The following CEP44 variants were observed in gnomAD, a reference collection of about 807,000 sequenced individuals.
CEP44 encodes centrosomal protein of 44 kDa.
CEP44 carries 45 observed loss-of-function variants against 46.7 expected under a neutral mutation model. The observed-to-expected ratio is 0.96, with a 90% CI of 0.76 to 1.24. The LOEUF (loss-of-function observed/expected upper bound fraction) is 1.24, where lower values mean the gene tolerates loss of function less well. Among genes scored for constraint, CEP44 ranks in the 50% most tolerant of loss-of-function variants. The pLI is 0.00. For synonymous variants in CEP44, 142 were observed against 146.0 expected (o/e 0.97, Z 0.20); for missense variants, 475 against 459.7 (o/e 1.03, Z -0.30).
rs1247215234 is a variant in CEP44, at chr4:174,325,723, AT to A, written c.1087-5753del. Among the ~76,000 whole-genome samples, 2 of 152,052 alleles carry A rather than the reference AT, an allele frequency of 1.3e-5. No homozygotes were observed. Among genetic ancestry groups the A allele is most frequent in the African/African-American group, 2.4e-5 (1 of 41,416 alleles). On this transcript the variant is annotated intron_variant, in intron 8 of 8. Transcript: ENST00000426172. The surrounding 1 kb of genome is among the most constrained non-coding windows in gnomAD (Gnocchi z 4.4). ...TGTAGATGAAGACTAAAAAACTTTTATTTTTTCTTTCAGTTCTATCATGTAT... is the reference window on the plus strand; with the variant it reads ...TGTAGATGAAGACTAAAAAACTTTTATTTTTCTTTCAGTTCTATCATGTAT...
intron 1 of CEP44, among the ~76,000 whole-genome samples, chr4:174,284,875 A>T (rs1461314053): frequency 1.3e-5 from 2 of 152,274 alleles, no homozygotes; most frequent in African/African-American, 4.8e-5. Flanking sequence ...TATGTCACAA[A>T]CTCTTAGCCA....
chr4:174,306,706 T>C (rs1239931791), intron 6 of CEP44, among the ~76,000 whole-genome samples: 1 of 152,016 alleles, frequency 6.6e-6, no homozygotes, highest in African/African-American at 2.4e-5. Flanking sequence ...TTAAAATAAT[T>C]GTAGGAGGAT....
intron 1 of CEP44, among the ~76,000 whole-genome samples, chr4:174,285,048 C>T (rs1032664280): frequency 6.6e-6 from 1 of 152,224 alleles, no homozygotes; most frequent in African/African-American, 2.4e-5. Context: ...TTCACAACCT[C>T]TCCCACAAGT....
chr4:174,321,921 A>G (rs539417335), downstream of CEP44, among the ~76,000 whole-genome samples: 23 of 152,266 alleles, frequency 1.5e-4, no homozygotes, highest in African/African-American at 5.1e-4. Context: ...AGAAACCACT[A>G]GGAGTTCTTA....
intron 8 of CEP44, among the ~76,000 whole-genome samples, chr4:174,327,155 G>A (rs1056860811): frequency 2.7e-5 from 4 of 145,876 alleles, no homozygotes; most frequent in African/African-American, 1.0e-4. Flanking sequence ...GTGTGTATAC[G>A]TGTGTGTGTG....
rs532164926 is a variant in CEP44 at position 174,319,191 on chromosome 4, G to A, written c.*1808G>A. ...GAAACATACAATTTTGAATTTAACA[G>A]AGTTTCAGTAAATATTTCCAGAATT... On this transcript the variant is annotated 3_prime_UTR_variant, in exon 12 of 12. Coordinates refer to ENST00000503780, the MANE Select transcript of CEP44 (RefSeq NM_001040157.3). 111 of 976,030 alleles carry A rather than the reference G, an allele frequency of 1.1e-4. 2 individuals carry two copies. The South Asian group carries it at 4.6e-3, about 41-fold the overall frequency. 60.5% of individuals were successfully genotyped at this position (976,030 alleles called of 1,614,324 possible).
At chr4:174,303,299 A>G (rs1739970354) in intron 4 of CEP44, among the ~76,000 whole-genome samples, 4 of 152,254 alleles carry the variant, frequency 2.6e-5, no homozygotes, top group Admixed American at 2.6e-4. Context: ...AATTGAGACC[A>G]AAAGGCCTAC....
chr4:174,322,725 A>G (rs1034006040), downstream of CEP44, among the ~76,000 whole-genome samples: 1 of 152,156 alleles, frequency 6.6e-6, no homozygotes, highest in Non-Finnish European at 1.5e-5. Flanking sequence ...CATCCCCCAT[A>G]TTATGATAGA....
chr4:174,328,155 C>G (rs1731092879), intron 8 of CEP44, among the ~76,000 whole-genome samples: 1 of 152,178 alleles, frequency 6.6e-6, no homozygotes, highest in Non-Finnish European at 1.5e-5. Flanking sequence ...GCTCATTAAT[C>G]TGATGACCAA....
Position 174,317,387 on chromosome 4 carries a change from T to C in CEP44, c.*4T>C, listed in dbSNP as rs757221262. ...ATGTCCAAATCACTACTTGTAGGAT[T>C]TTCTACATGAACTTTTTTCTAGGAC... On this transcript the variant is annotated 3_prime_UTR_variant, in exon 12 of 12. Transcript: ENST00000503780. 1 of 1,419,016 alleles carries C rather than the reference T, an allele frequency of 7.0e-7. No individual in the cohort carries two copies. The highest frequency in any genetic ancestry group is 9.4e-7 in the Non-Finnish European group (1 of 1,069,038). 87.9% of individuals were successfully genotyped at this position (1,419,016 alleles called of 1,614,324 possible). A position where few individuals can be genotyped will look rare whatever the true frequency, so the allele number is the denominator to read the frequency against.
At chr4:174,295,046 C>T (rs1738777755) in intron 1 of CEP44, among the ~76,000 whole-genome samples, 1 of 144,350 alleles carries the variant, frequency 6.9e-6, no homozygotes, top group Non-Finnish European at 1.5e-5. Flanking sequence ...CCCCCACCTC[C>T]CTCCCGGACG....
At chr4:174,294,770 T>A (rs1191933684) in intron 1 of CEP44, among the ~76,000 whole-genome samples, 4 of 121,594 alleles carry the variant, frequency 3.3e-5, no homozygotes, top group African/African-American at 1.3e-4. Flanking sequence ...CCCCCCCACC[T>A]CCCTCCCGGA....
chr4:174,307,801 AT>A (rs1740603417), intron 6 of CEP44, among the ~76,000 whole-genome samples: 1 of 152,232 alleles, frequency 6.6e-6, no homozygotes, highest in East Asian at 1.9e-4. Flanking sequence ...GACAAAGGAT[AT>A]GAACATCTAC....
chr4:174,284,237 C>G (rs1396921130), intron 1 of CEP44: 1 of 396,950 alleles, frequency 2.5e-6, no homozygotes, highest in Non-Finnish European at 4.4e-6. Context: ...GACGAATGAC[C>G]AGATCCGCCT....
downstream of CEP44, among the ~76,000 whole-genome samples, chr4:174,324,967 C>G (rs796495657): frequency 1.4e-4 from 22 of 152,280 alleles, no homozygotes; most frequent in African/African-American, 4.6e-4. Context: ...AAGCTGTTAT[C>G]AGTTTCATCT....
In CEP44 at chr4:174,297,651, A is replaced by T. The variant is rs1040492017; in HGVS notation, c.-147-315A>T. Among the ~76,000 whole-genome samples the T allele has an allele frequency of 4.7e-5, 7 of 149,070 alleles. No homozygotes were observed. The highest frequency in any genetic ancestry group is 2.2e-4 in the South Asian group (1 of 4,636). Reference sequence around the variant, plus strand: ...CTGAGATATAGGAAGAAACTTTATTAGTGTGTGTGTGTGTGTGTGTGTGTG... The same window carrying T: ...CTGAGATATAGGAAGAAACTTTATTTGTGTGTGTGTGTGTGTGTGTGTGTG... On this transcript the variant is annotated intron_variant, in intron 1 of 11. Transcript: ENST00000503780. The surrounding 1 kb of genome is among the most constrained non-coding windows in gnomAD (Gnocchi z 4.3).
At position 174,302,165 on chromosome 4, in the gene CEP44, C is replaced by T; in HGVS notation, c.216C>T (p.Arg72=). Residue 72 remains arginine (R), a synonymous_variant, in exon 4 of 12, where the codon CGC becomes CGT. Transcript: ENST00000503780. ...NVELIAKNDL[R]FIDAVYKLLR... ...AGCTCATAGCAAAAAATGACTTGCG[C>T]TTTATAGATGCTGTCTATAAGGTAT... 1 of 1,603,510 alleles carries T rather than the reference C, an allele frequency of 6.2e-7. No individual in the cohort carries two copies. The highest frequency in any genetic ancestry group is 8.5e-7 in the Non-Finnish European group (1 of 1,174,208).
In CEP44 at chr4:174,299,085, C is replaced by G. The variant is rs757449216; in HGVS notation, c.-37C>G. The G allele has an allele frequency of 1.7e-5, 26 of 1,552,056 alleles. No homozygotes were observed. Among genetic ancestry groups the G allele is most frequent in the Non-Finnish European group, 1.9e-5 (22 of 1,131,432 alleles). ...TTCTATTTTCAGGTGAAAAATTAGA[C>G]GATTTCAAGAATTGGAGCTGAATCT... is the stretch of plus-strand genomic sequence containing the variant. On this transcript the variant is annotated 5_prime_UTR_variant, in exon 3 of 12. Transcript: ENST00000503780.
chr4:174,303,295 G>C (rs1739969151), intron 4 of CEP44, among the ~76,000 whole-genome samples: 1 of 151,860 alleles, frequency 6.6e-6, no homozygotes, highest in Non-Finnish European at 1.5e-5. Flanking sequence ...GAAAAATTGA[G>C]ACCAAAAGGC....
Sources: allele counts gnomAD v4.1 joint callset (sites outside exome capture counted in the v4.1 genomes callset), GRCh38; gene constraint gnomAD v4.1.1; non-coding constraint Gnocchi (gnomAD v3.1); transcripts MANE v1.5; gene names NCBI Gene and HGNC (gene_info 2026-07-23, HGNC 2026-07-21).